TMEM63C: variants seen among roughly 807,000 people sequenced by gnomAD.
TMEM63C encodes the protein osmosensitive cation channel TMEM63C.
In TMEM63C, 32 loss-of-function variants were observed where a neutral mutation model predicts 99.2. The observed-to-expected ratio is 0.32, with a 90% CI of 0.24 to 0.43. TMEM63C has a LOEUF of 0.43. TMEM63C is among the 20% of genes least tolerant of loss of function. The probability of loss-of-function intolerance (pLI) is 1.00; values close to 1 mark genes in which losing one functional copy is unlikely to be tolerated. For synonymous variants in TMEM63C, 376 were observed against 397.9 expected (o/e 0.94, Z 0.66); for missense variants, 826 against 1,053.0 (o/e 0.78, Z 2.98).
chr14:77,205,624 A>G (rs1888383775), intron 1 of TMEM63C, among the ~76,000 whole-genome samples: 1 of 152,204 alleles, frequency 6.6e-6, no homozygotes, highest in African/African-American at 2.4e-5. Context: ...AAGGTCCTCC[A>G]CAGAGGGGAG....
At chr14:77,250,676 G>A (rs917735027) in intron 21 of TMEM63C, among the ~76,000 whole-genome samples, 3 of 152,018 alleles carry the variant, frequency 2.0e-5, no homozygotes, top group African/African-American at 7.2e-5. Context: ...CTGAGCTCAG[G>A]CAATCCGAGG....
intron 1 of TMEM63C, among the ~76,000 whole-genome samples, chr14:77,189,897 G>A (rs1337332640): frequency 2.0e-5 from 3 of 152,172 alleles, no homozygotes; most frequent in Non-Finnish European, 2.9e-5. Context: ...GTATCAAGCT[G>A]TCCCTCTGCT....
At chr14:77,237,006 C>T (rs1485200928) in intron 9 of TMEM63C, among the ~76,000 whole-genome samples, 1 of 149,956 alleles carries the variant, frequency 6.7e-6, no homozygotes, top group Non-Finnish European at 1.5e-5. Context: ...CTCCTCCACG[C>T]TGCTCCACCC....
chr14:77,221,665 G>A (rs373792950), intron 5 of TMEM63C, among the ~76,000 whole-genome samples: 5 of 61,996 alleles, frequency 8.1e-5, no homozygotes, highest in African/African-American at 1.5e-4. Context: ...TCCCACCCAC[G>A]CCTCCTCTCC....
intron 1 of TMEM63C, among the ~76,000 whole-genome samples, chr14:77,194,849 T>C (rs1227573780): frequency 6.6e-6 from 1 of 152,066 alleles, no homozygotes; most frequent in African/African-American, 2.4e-5. Context: ...CCCAAAGTGC[T>C]AGGATTACAG....
At chr14:77,252,838 G>A (rs1388849515) in intron 22 of TMEM63C, among the ~76,000 whole-genome samples, 4 of 152,204 alleles carry the variant, frequency 2.6e-5, no homozygotes, top group Admixed American at 2.6e-4. Flanking sequence ...CTAGTGAAGG[G>A]TCTCGTGAAG....
At chr14:77,208,663 T>C (rs948716880) in intron 1 of TMEM63C, among the ~76,000 whole-genome samples, 1 of 152,246 alleles carries the variant, frequency 6.6e-6, no homozygotes, top group Non-Finnish European at 1.5e-5. Flanking sequence ...GAATGGATGC[T>C]GAGGGTATCA....
rs371502944 is a variant in TMEM63C, at chr14:77,246,824, C to T, written c.1601+150C>T. The T allele has an allele frequency of 7.5e-5, 45 of 602,418 alleles. 1 individual carries two copies. Among genetic ancestry groups the T allele is most frequent in the African/African-American group, 7.4e-4 (40 of 53,702 alleles). The allele number at this position is 602,418 out of a possible 1,614,324, so 37.3% of individuals were successfully genotyped here. On this transcript the variant is annotated intron_variant, in intron 18 of 23. Transcript: ENST00000298351. ...CTCACTGGGCAGACTTGTTACCTTT[C>T]CTGTGCTGGGATCCCTTTGGCAATC...
chr14:77,194,557 T>TTG (rs1555346144), intron 1 of TMEM63C, among the ~76,000 whole-genome samples: 1 of 118,686 alleles, frequency 8.4e-6, no homozygotes, highest in Admixed American at 9.1e-5. Context: ...TTCTTTCTCT[T>TTG]TCTTTCTTTC....
intron 10 of TMEM63C, among the ~76,000 whole-genome samples, chr14:77,239,011 T>C (rs892390639): frequency 4.6e-5 from 7 of 152,220 alleles, no homozygotes; most frequent in Non-Finnish European, 8.8e-5. Flanking sequence ...GAATTTTTCT[T>C]TCTCCTGTTG....
At chr14:77,242,564 C>G in intron 14 of TMEM63C, 95 bp downstream of exon 14, 1 of 1,492,362 alleles carries the variant, frequency 6.7e-7, no homozygotes, top group African/African-American at 1.4e-5. Context: ...CATTGCCCAA[C>G]AGAGACTCCA....
chr14:77,224,000 G>C (rs893467457), intron 5 of TMEM63C, among the ~76,000 whole-genome samples: 5 of 152,060 alleles, frequency 3.3e-5, no homozygotes, highest in African/African-American at 1.2e-4. Context: ...CCCTGGGGAT[G>C]CTCCCCACTG....
chr14:77,217,147 T>TAA lies in TMEM63C; in HGVS notation c.-13-1644_-13-1643dup, dbSNP rs35969189. On this transcript the variant is annotated intron_variant, in intron 2 of 23. Transcript: ENST00000298351. ...ACAGAGTGAGGCTCTATCTCTCTCT[T>TAA]AAAAAAAAAAAGTCATTTTAATTCA... Among the ~76,000 whole-genome samples the TAA allele has an allele frequency of 8.2e-5, 12 of 146,828 alleles. No individual in the cohort carries two copies. The South Asian group carries it at 1.3e-3, about 16-fold the overall frequency.
intron 1 of TMEM63C, among the ~76,000 whole-genome samples, chr14:77,202,878 C>T (rs1888325746): frequency 6.7e-6 from 1 of 149,586 alleles, no homozygotes; most frequent in African/African-American, 2.5e-5. Context: ...CACACACACC[C>T]CTCTACCTGG....
chr14:77,227,645 G>A (rs185526287), intron 6 of TMEM63C, among the ~76,000 whole-genome samples: 1 of 152,356 alleles, frequency 6.6e-6, no homozygotes, highest in Non-Finnish European at 1.5e-5. Context: ...CGAGGCGGGA[G>A]GAAGAGGCAT....
chr14:77,233,037 C>T (rs1043853391), intron 7 of TMEM63C, among the ~76,000 whole-genome samples: 30 of 152,126 alleles, frequency 2.0e-4, no homozygotes, highest in Admixed American at 1.5e-3. Context: ...GTGTCTGAAC[C>T]GTCAAACTAA....
At position 77,256,598 on chromosome 14, in the gene TMEM63C, T is replaced by C; in HGVS notation, c.2293T>C (p.Tyr765His). The stretch of plus-strand genomic sequence containing the variant: ...CGCCTCCTCCCCAGCCAGGCACACC[T>C]ATGGCACCATGAACAACCAGCCGGA... The part of the protein sequence containing the change: ...TPASSPARHT[Y>H]GTMNNQPEEG... Residue 765 changes from tyrosine (Y) to histidine (H), a missense_variant, in exon 24 of 24, where the codon TAT becomes CAT. Coordinates refer to ENST00000298351, the MANE Select transcript of TMEM63C (RefSeq NM_020431.4). The C allele has an allele frequency of 6.2e-7, 1 of 1,613,936 alleles. No homozygotes were observed. Among genetic ancestry groups the C allele is most frequent in the Non-Finnish European group, 8.5e-7 (1 of 1,179,872 alleles).
intron 1 of TMEM63C, among the ~76,000 whole-genome samples, chr14:77,182,947 T>G (rs1337919101): frequency 6.6e-6 from 1 of 152,026 alleles, no homozygotes; most frequent in East Asian, 1.9e-4. Context: ...CAAGAAAGGG[T>G]CCATCTCTTA....
intron 5 of TMEM63C, among the ~76,000 whole-genome samples, chr14:77,224,151 C>A (rs963703964): frequency 6.6e-6 from 1 of 151,982 alleles, no homozygotes; most frequent in Non-Finnish European, 1.5e-5. Flanking sequence ...CATCAGCCAA[C>A]CCAACACAGG....
Sources: allele counts gnomAD v4.1 joint callset (sites outside exome capture counted in the v4.1 genomes callset), GRCh38; gene constraint gnomAD v4.1.1; transcripts MANE v1.5; gene names NCBI Gene and HGNC (gene_info 2026-07-23, HGNC 2026-07-21).